DAAM1: variants seen among roughly 807,000 people sequenced by gnomAD.
DAAM1 encodes the protein disheveled-associated activator of morphogenesis 1.
DAAM1 carries 52 observed loss-of-function variants against 130.0 expected under a neutral mutation model. The ratio of observed to expected loss-of-function variants is 0.40; its 90% CI spans 0.32 to 0.50. The LOEUF (loss-of-function observed/expected upper bound fraction) is 0.50. DAAM1 is among the 20% of genes least tolerant of loss of function. DAAM1 has a pLI of 0.61. For missense variants in DAAM1, 1,134 were observed against 1,303.8 expected, an observed-to-expected ratio of 0.87 and a Z score of 2.01; for synonymous variants, 452 against 444.5, an observed-to-expected ratio of 1.02 and a Z score of -0.21.
chr14:59,265,021 T>G (rs1038156714), intron 2 of DAAM1: 2 of 152,264 alleles, frequency 1.3e-5, no homozygotes, highest in Non-Finnish European at 2.9e-5. Context: ...TGGAGTTAGT[T>G]CTAAATGGAC....
intron 3 of DAAM1, among the ~76,000 whole-genome samples, chr14:59,314,903 C>T (rs975179609): frequency 6.6e-6 from 1 of 152,180 alleles, no homozygotes; most frequent in African/African-American, 2.4e-5. Context: ...CCTATGGTCA[C>T]CTAAGGCAAG....
intron 1 of DAAM1, among the ~76,000 whole-genome samples, chr14:59,241,597 C>A (rs1228845082): frequency 2.0e-5 from 3 of 152,212 alleles, no homozygotes; most frequent in Non-Finnish European, 4.4e-5. Flanking sequence ...TGAGGAACTT[C>A]TATTGTGTAC....
chr14:59,230,924 C>T (rs761017812), intron 1 of DAAM1, among the ~76,000 whole-genome samples: 7 of 152,072 alleles, frequency 4.6e-5, no homozygotes, highest in Non-Finnish European at 8.8e-5. Flanking sequence ...ATGTGGGATT[C>T]GTTCCACTAT....
chr14:59,283,366 A>G (rs1883303249), intron 2 of DAAM1, among the ~76,000 whole-genome samples: 1 of 152,208 alleles, frequency 6.6e-6, no homozygotes, highest in South Asian at 2.1e-4. Flanking sequence ...TCACATATAT[A>G]ATAGCTGTAT....
At chr14:59,259,084 T>G (rs1224961830) in intron 1 of DAAM1, among the ~76,000 whole-genome samples, 4 of 152,184 alleles carry the variant, frequency 2.6e-5, no homozygotes, top group African/African-American at 4.8e-5. Context: ...CCCTCCTCAG[T>G]GCAGCCAGAA....
chr14:59,360,320 A>G (rs1886654461), intron 21 of DAAM1, among the ~76,000 whole-genome samples: 1 of 152,248 alleles, frequency 6.6e-6, no homozygotes, highest in South Asian at 2.1e-4. Context: ...AAGAAAAATC[A>G]TTTTTGATTG....
chr14:59,209,587 A>G (rs1294694769), intron 1 of DAAM1, among the ~76,000 whole-genome samples: 1 of 152,142 alleles, frequency 6.6e-6, no homozygotes, highest in African/African-American at 2.4e-5. Flanking sequence ...ATTCCATGAG[A>G]TATTCCACAC....
chr14:59,340,227 A>C, intron 16 of DAAM1, 47 bp downstream of exon 16: 1 of 1,567,124 alleles, frequency 6.4e-7, no homozygotes, highest in Non-Finnish European at 8.8e-7. Context: ...CAACATTTCC[A>C]TTCTGTGGCT....
intron 3 of DAAM1, among the ~76,000 whole-genome samples, chr14:59,303,846 G>A (rs905260317): frequency 1.3e-5 from 2 of 152,166 alleles, no homozygotes; most frequent in African/African-American, 2.4e-5. Flanking sequence ...GTTGCAGTGA[G>A]CCAAAATTGC....
At chr14:59,356,735 C>T (rs987055716) in intron 20 of DAAM1, among the ~76,000 whole-genome samples, 4 of 152,200 alleles carry the variant, frequency 2.6e-5, no homozygotes, top group African/African-American at 9.6e-5. Flanking sequence ...ATCACCCATC[C>T]CCAATACTTA....
At chr14:59,251,616 T>TGG in intron 1 of DAAM1, among the ~76,000 whole-genome samples, 1 of 152,174 alleles carries the variant, frequency 6.6e-6, no homozygotes, top group East Asian at 1.9e-4. Flanking sequence ...CTTAATGCCT[T>TGG]TAATCATCAG....
intron 1 of DAAM1, among the ~76,000 whole-genome samples, chr14:59,222,406 GT>G (rs1172931927): frequency 6.6e-6 from 1 of 152,212 alleles, no homozygotes; most frequent in Non-Finnish European, 1.5e-5. Flanking sequence ...AAGAGGTCCA[GT>G]GTAATCAACC....
intron 2 of DAAM1, among the ~76,000 whole-genome samples, chr14:59,290,756 C>G (rs1286617741): frequency 6.6e-6 from 1 of 152,230 alleles, no homozygotes; most frequent in Non-Finnish European, 1.5e-5. Context: ...TGTCACCACA[C>G]TCGGCCTTTG....
intron 2 of DAAM1, among the ~76,000 whole-genome samples, chr14:59,281,637 G>A (rs986780711): frequency 1.3e-5 from 2 of 152,072 alleles, no homozygotes; most frequent in Non-Finnish European, 2.9e-5. Context: ...GAAAGAATGG[G>A]AACCTGTAAA....
intron 2 of DAAM1, among the ~76,000 whole-genome samples, chr14:59,269,636 G>A (rs1882620291): frequency 6.6e-6 from 1 of 152,162 alleles, no homozygotes. Context: ...AATCTTGCTG[G>A]GGAAGGAGGG....
rs1334521540 is a variant in DAAM1, at chr14:59,370,235, T to G, written c.*1376T>G. ...TCTCTTTTCTTTCTATTGATCCTGT[T>G]GTGGTTGGGTTTCCTGTGGAGAGAG... On this transcript the variant is annotated 3_prime_UTR_variant, in exon 25 of 25. Transcript: ENST00000360909. 1 of 149,948 alleles carries G rather than the reference T, an allele frequency of 6.7e-6. No homozygotes were observed. The highest frequency in any genetic ancestry group is 1.5e-5 in the Non-Finnish European group (1 of 67,504). The allele number at this position is 149,948 out of a possible 1,614,324, so 9.3% of individuals were successfully genotyped here.
intron 5 of DAAM1, among the ~76,000 whole-genome samples, chr14:59,321,057 C>T (rs940935772): frequency 2.6e-5 from 4 of 152,112 alleles, no homozygotes; most frequent in East Asian, 3.9e-4. Flanking sequence ...GAAAATAACC[C>T]GTATATTGAT....
intron 1 of DAAM1, among the ~76,000 whole-genome samples, chr14:59,240,232 A>G (rs1889434564): frequency 6.6e-6 from 1 of 152,080 alleles, no homozygotes; most frequent in African/African-American, 2.4e-5. Flanking sequence ...GATTTTTATT[A>G]TTACTTCATC....
intron 1 of DAAM1, among the ~76,000 whole-genome samples, chr14:59,193,928 C>T (rs1286714520): frequency 6.6e-6 from 1 of 152,206 alleles, no homozygotes; most frequent in East Asian, 1.9e-4. Flanking sequence ...GAGGTGCCTA[C>T]CTCATGCCAA....
Sources: allele counts gnomAD v4.1 joint callset (sites outside exome capture counted in the v4.1 genomes callset), GRCh38; gene constraint gnomAD v4.1.1; transcripts MANE v1.5; gene names NCBI Gene and HGNC (gene_info 2026-07-23, HGNC 2026-07-21).